The following UVRAG variants were observed in gnomAD, a reference collection of about 807,000 sequenced individuals.
UVRAG encodes the protein UV radiation resistance-associated gene protein.
Under a neutral mutation model 78.0 loss-of-function variants are expected in UVRAG, and 19 were observed. That is an observed-to-expected ratio of 0.24 (90% confidence interval 0.17 to 0.36). UVRAG has a LOEUF of 0.36. Among genes scored for constraint, UVRAG ranks in the 10% least tolerant of loss-of-function variants. The pLI, the probability that UVRAG is intolerant of heterozygous loss-of-function variation, is 1.00. For missense variants in UVRAG, 740 were observed against 853.8 expected, an observed-to-expected ratio of 0.87 and a Z score of 1.66; for synonymous variants, 323 against 324.6, an observed-to-expected ratio of 1.00 and a Z score of 0.05.
At chr11:76,016,680 A>G in intron 11 of UVRAG, 135 bp from the exon 12 acceptor site, 2 of 781,970 alleles carry the variant, frequency 2.6e-6, no homozygotes, top group South Asian at 8.1e-5. Context: ...CATAAAATTT[A>G]TATAATTTAG....
intron 14 of UVRAG, among the ~76,000 whole-genome samples, chr11:76,118,244 G>C (rs1952220447): frequency 6.6e-6 from 1 of 152,136 alleles, no homozygotes; most frequent in African/African-American, 2.4e-5. Flanking sequence ...TACAGGAATA[G>C]CACTGATTTT....
At chr11:75,930,583 T>A (rs1948212139) in intron 6 of UVRAG, among the ~76,000 whole-genome samples, 1 of 152,200 alleles carries the variant, frequency 6.6e-6, no homozygotes, top group Non-Finnish European at 1.5e-5. Flanking sequence ...TTACTCAAAA[T>A]GTGTTAAGCA....
At chr11:76,029,499 G>C (rs1950395038) in intron 12 of UVRAG, among the ~76,000 whole-genome samples, 1 of 152,142 alleles carries the variant, frequency 6.6e-6, no homozygotes, top group South Asian at 2.1e-4. Flanking sequence ...ATTCATGGGA[G>C]GAGATAAAAA....
chr11:75,975,540 G>T (rs186981885), intron 7 of UVRAG, among the ~76,000 whole-genome samples: 3,192 of 152,084 alleles, frequency 0.021, 41 homozygotes, highest in South Asian at 0.043. Flanking sequence ...CTTTTATTTT[G>T]TTGAGCAGTG....
intron 6 of UVRAG, among the ~76,000 whole-genome samples, chr11:75,949,402 A>G (rs116040434): frequency 0.018 from 2,755 of 151,972 alleles, 80 homozygotes; most frequent in African/African-American, 0.063. Flanking sequence ...GATCTCATTC[A>G]CTTTCATAGC....
Position 76,104,800 on chromosome 11 carries a change from G to A in UVRAG, c.1306-11124G>A, listed in dbSNP as rs905413581. ...TACGTGGCTGGGGAGGTACCAGAAT[G>A]CTCCTGTATGTTTCTTATGTAATCC... On this transcript the variant is annotated intron_variant, in intron 13 of 14. Transcript: ENST00000356136. 6.6e-5 allele frequency among the ~76,000 whole-genome samples: 10 copies of A among 152,260 alleles called. 1 individual carries two copies. The highest frequency in any genetic ancestry group is 5.9e-4 in the Admixed American group (9 of 15,296).
At chr11:75,995,501 GAAAA>G (rs71471398) in intron 8 of UVRAG, among the ~76,000 whole-genome samples, 2 of 120,050 alleles carry the variant, frequency 1.7e-5, no homozygotes, top group African/African-American at 2.8e-5. Flanking sequence ...TTGTCATTTT[GAAAA>G]AAAAAAAAAA....
chr11:76,121,237 T>A (rs543485635), intron 14 of UVRAG, among the ~76,000 whole-genome samples: 1 of 152,354 alleles, frequency 6.6e-6, no homozygotes, highest in Non-Finnish European at 1.5e-5. Flanking sequence ...CCATTTTTTA[T>A]GAACACAGTT....
At chr11:76,083,240 T>C (rs1174674492) in intron 13 of UVRAG, among the ~76,000 whole-genome samples, 4 of 152,202 alleles carry the variant, frequency 2.6e-5, no homozygotes, top group African/African-American at 9.7e-5. Context: ...AGGAAACAGG[T>C]ATAGAATATT....
intron 6 of UVRAG, among the ~76,000 whole-genome samples, chr11:75,920,008 GTTTTTTTTTTTTTTTTTTTTTTT>G (rs140217190): frequency 3.6e-5 from 2 of 55,464 alleles, no homozygotes; most frequent in African/African-American, 5.8e-5. Flanking sequence ...AATAATTTTG[GTTTTTTTTTTTTTTTTTTTTTTT>G]TTTTTTTTTT....
chr11:75,986,966 A>G (rs1949512012), intron 8 of UVRAG, among the ~76,000 whole-genome samples: 1 of 152,208 alleles, frequency 6.6e-6, no homozygotes, highest in Non-Finnish European at 1.5e-5. Context: ...TAATACATTC[A>G]GTTATATGGA....
intron 1 of UVRAG, among the ~76,000 whole-genome samples, chr11:75,832,565 A>C (rs1945682122): frequency 6.6e-6 from 1 of 152,184 alleles, no homozygotes; most frequent in Admixed American, 6.5e-5. Flanking sequence ...CTAGCACTTC[A>C]ATGTATCCAC....
chr11:75,836,828 CTG>C (rs1363502495), intron 1 of UVRAG, among the ~76,000 whole-genome samples: 1 of 152,210 alleles, frequency 6.6e-6, no homozygotes, highest in African/African-American at 2.4e-5. Flanking sequence ...GCAGCTATAA[CTG>C]TAATTCTAAC....
Position 75,880,007 on chromosome 11 carries a change from C to T in UVRAG, c.399C>T (p.Val133=). 1 of 1,614,136 alleles carries T rather than the reference C, an allele frequency of 6.2e-7. No homozygotes were observed. The highest frequency in any genetic ancestry group is 8.5e-7 in the Non-Finnish European group (1 of 1,180,008). The change falls in exon 4 of 15, where the codon GTC becomes GTT. Residue 133 remains valine (V), a synonymous_variant. Coordinates refer to ENST00000356136, the MANE Select transcript of UVRAG (RefSeq NM_003369.4). ...ACCAGCTGTTGATTGAATGGAAAGT[C>T]TGTTTGGATGGGCTGAAATACTTGG... ...NIYQLLIEWK[V]CLDGLKYLGQ...
intron 6 of UVRAG, among the ~76,000 whole-genome samples, chr11:75,930,681 CTT>C (rs1177528579): frequency 6.6e-6 from 1 of 152,142 alleles, no homozygotes. Context: ...GTAAGGTTTT[CTT>C]TTGAATGTAA....
At chr11:76,090,117 T>C (rs1020762028) in intron 13 of UVRAG, among the ~76,000 whole-genome samples, 8 of 152,160 alleles carry the variant, frequency 5.3e-5, no homozygotes, top group Non-Finnish European at 1.2e-4. Context: ...CCTCCATTTT[T>C]ATGTTTCAAA....
At chr11:75,982,933 T>C (rs186803318) in intron 7 of UVRAG, among the ~76,000 whole-genome samples, 19 of 152,332 alleles carry the variant, frequency 1.2e-4, no homozygotes, top group Admixed American at 1.2e-3. Context: ...GGGTTTTTTA[T>C]GTCGTTCGGC....
chr11:76,123,875 C>G (rs1952335875), intron 14 of UVRAG, among the ~76,000 whole-genome samples: 1 of 152,220 alleles, frequency 6.6e-6, no homozygotes, highest in Non-Finnish European at 1.5e-5. Context: ...AAGCAGTTCT[C>G]TTGCCTCAGC....
intron 9 of UVRAG, among the ~76,000 whole-genome samples, chr11:76,005,934 A>C (rs1220108448): frequency 6.6e-6 from 1 of 152,208 alleles, no homozygotes; most frequent in Non-Finnish European, 1.5e-5. Flanking sequence ...CCGTCTGTGC[A>C]CATCAATCTC....
Sources: gnomAD v4.1 joint callset for allele counts (sites outside exome capture counted in the v4.1 genomes callset) on GRCh38, gnomAD v4.1.1 for gene constraint, MANE v1.5 for transcripts, NCBI Gene and HGNC (gene_info 2026-07-23, HGNC 2026-07-21) for gene names.